PVT1: variants seen among roughly 807,000 people sequenced by gnomAD.
PVT1 encodes the protein Pvt1 oncogene.
intron 2 of PVT1, among the ~76,000 whole-genome samples, chr8:127,828,733 C>T (rs1295665767): frequency 6.6e-6 from 1 of 151,932 alleles, no homozygotes; most frequent in Non-Finnish European, 1.5e-5. Flanking sequence ...GGTGCAGGTC[C>T]GCCCCCCCAG....
intron 5 of PVT1, among the ~76,000 whole-genome samples, chr8:128,074,537 G>GC (rs1814058068): frequency 1.4e-5 from 2 of 145,052 alleles, no homozygotes; most frequent in Admixed American, 6.9e-5. Context: ...AAAAAAAAAA[G>GC]GGGGGGGCTC....
chr8:127,988,170 G>A (rs11786536), intron 3 of PVT1, among the ~76,000 whole-genome samples: 22,169 of 152,264 alleles, frequency 0.15, 2,208 homozygotes, highest in Admixed American at 0.31. Flanking sequence ...CAAGCCACCT[G>A]CCCGCCGTTC....
intron 2 of PVT1, among the ~76,000 whole-genome samples, chr8:127,845,870 C>T (rs779595798): frequency 2.6e-5 from 4 of 152,176 alleles, no homozygotes; most frequent in South Asian, 2.1e-4. Context: ...CTGACACTGG[C>T]GATTTTTCTC....
intron 3 of PVT1, among the ~76,000 whole-genome samples, chr8:127,945,181 AT>A (rs891433809): frequency 6.6e-6 from 1 of 151,726 alleles, no homozygotes; most frequent in Admixed American, 6.6e-5. Context: ...TGCTTGATGC[AT>A]TTTTTTTCTT....
intron 5 of PVT1, among the ~76,000 whole-genome samples, chr8:128,085,605 C>T (rs905041452): frequency 1.3e-5 from 2 of 152,114 alleles, no homozygotes; most frequent in Admixed American, 6.5e-5. Context: ...AAACCTAGCA[C>T]GCTTCTCCAC....
chr8:128,093,087 TA>T (rs550330882), intron 5 of PVT1, among the ~76,000 whole-genome samples: 37 of 152,340 alleles, frequency 2.4e-4, no homozygotes, highest in African/African-American at 8.4e-4. Context: ...GATCTTTTCA[TA>T]TTTTTTTATT....
chr8:127,927,834 A>G (rs1291469979), intron 3 of PVT1, among the ~76,000 whole-genome samples: 2 of 152,242 alleles, frequency 1.3e-5, no homozygotes, highest in African/African-American at 4.8e-5. Flanking sequence ...TGAATTCACG[A>G]GCAGTTTGAA....
chr8:127,868,794 C>CATATATATATACGTAT (rs1491471613), intron 2 of PVT1, among the ~76,000 whole-genome samples: 2 of 8,972 alleles, frequency 2.2e-4, no homozygotes, highest in African/African-American at 4.0e-4. Flanking sequence ...TATATATATA[C>CATATATATATACGTAT]ATATATATGT....
chr8:127,877,865 G>A (rs1038207034), intron 2 of PVT1, among the ~76,000 whole-genome samples: 4 of 152,120 alleles, frequency 2.6e-5, no homozygotes, highest in Admixed American at 6.5e-5. Context: ...GTTTGAGGCT[G>A]CAGTGAGCCA....
chr8:127,922,224 T>C (rs1254395031), intron 3 of PVT1, among the ~76,000 whole-genome samples: 1 of 151,942 alleles, frequency 6.6e-6, no homozygotes, highest in African/African-American at 2.4e-5. Flanking sequence ...TTATAAATTG[T>C]ATACTAATAA....
intron 2 of PVT1, among the ~76,000 whole-genome samples, chr8:127,824,319 C>T (rs766751782): frequency 6.6e-6 from 1 of 152,176 alleles, no homozygotes; most frequent in Non-Finnish European, 1.5e-5. Context: ...CAGGTGATGC[C>T]TGTTCCTCAG....
intron 4 of PVT1, among the ~76,000 whole-genome samples, chr8:128,006,887 T>C (rs1192797476): frequency 6.6e-6 from 1 of 152,236 alleles, no homozygotes; most frequent in Non-Finnish European, 1.5e-5. Flanking sequence ...TGTTGTTTTT[T>C]GAGCACTGCC....
chr8:127,991,064 C>T (rs1197767639), intron 4 of PVT1, among the ~76,000 whole-genome samples: 1 of 151,914 alleles, frequency 6.6e-6, no homozygotes, highest in African/African-American at 2.4e-5. Flanking sequence ...TTTCTCACTT[C>T]TGCTACTGCA....
intron 4 of PVT1, among the ~76,000 whole-genome samples, chr8:128,024,786 C>T (rs1345798573): frequency 6.6e-6 from 1 of 152,250 alleles, no homozygotes; most frequent in Non-Finnish European, 1.5e-5. Context: ...AGCAAGTCAG[C>T]ATCATGAGGA....
intron 5 of PVT1, among the ~76,000 whole-genome samples, chr8:128,071,425 T>A (rs1390821692): frequency 6.6e-6 from 1 of 152,032 alleles, no homozygotes; most frequent in Non-Finnish European, 1.5e-5. Flanking sequence ...GTCATGCCTG[T>A]AATCCCAGAA....
At chr8:127,967,950 C>T (rs1051458179) in intron 3 of PVT1, among the ~76,000 whole-genome samples, 9 of 152,250 alleles carry the variant, frequency 5.9e-5, no homozygotes, top group Middle Eastern at 3.4e-3. Context: ...CTTGAGAGGG[C>T]GCTTTGGGTT....
In PVT1 at chr8:127,863,605, C is replaced by T. The variant is rs1274086482; in HGVS notation, n.373-26984C>T. 2.6e-5 allele frequency among the ~76,000 whole-genome samples: 4 copies of T among 152,334 alleles called. No homozygotes were observed. In the East Asian group the frequency reaches 7.7e-4, roughly 29 times the overall value. On this transcript the variant is annotated intron_variant and non_coding_transcript_variant, in intron 2 of 10. Coordinates refer to ENST00000651587, the Ensembl canonical transcript of PVT1. ...GACTTCTCCTTTGTTGCACCAATTG[C>T]AATTTCTTACTTAGGTGTGTGCTTG...
intron 4 of PVT1, among the ~76,000 whole-genome samples, chr8:127,993,191 A>G (rs569214865): frequency 1.3e-4 from 20 of 152,384 alleles, no homozygotes; most frequent in Non-Finnish European, 2.5e-4. Context: ...TTGCAGAGGA[A>G]GGATTAGTAA....
chr8:127,811,550 G>T (rs945970018), intron 2 of PVT1, among the ~76,000 whole-genome samples: 1 of 152,124 alleles, frequency 6.6e-6, no homozygotes, highest in African/African-American at 2.4e-5. Flanking sequence ...TGCTCACAGG[G>T]TGTTAACATT....
Sources: allele counts gnomAD v4.1 joint callset (sites outside exome capture counted in the v4.1 genomes callset), GRCh38; gene constraint gnomAD v4.1.1; transcripts MANE v1.5; gene names NCBI Gene and HGNC (gene_info 2026-07-23, HGNC 2026-07-21).